The following SMIM35 variants were observed in gnomAD, a reference collection of about 807,000 sequenced individuals.
The protein encoded by SMIM35 is TMPRSS4 antisense RNA 1 (non-protein coding).
chr11:118,023,485 C>T (rs893811980), intron 1 of SMIM35, among the ~76,000 whole-genome samples: 4 of 151,320 alleles, frequency 2.6e-5, no homozygotes, highest in African/African-American at 9.7e-5. Flanking sequence ...GGTATATCTC[C>T]TAATGCTATC....
chr11:118,071,566 G>A (rs1266458723), intron 1 of SMIM35, among the ~76,000 whole-genome samples: 1 of 152,178 alleles, frequency 6.6e-6, no homozygotes, highest in Non-Finnish European at 1.5e-5. Flanking sequence ...GCCAGCTCAT[G>A]CCCACCCACT....
chr11:118,027,341 C>A (rs1018814222), intron 1 of SMIM35, among the ~76,000 whole-genome samples: 1 of 149,582 alleles, frequency 6.7e-6, no homozygotes. Flanking sequence ...TTTTTTTTTG[C>A]GTGGTAGATT....
intron 1 of SMIM35, among the ~76,000 whole-genome samples, chr11:118,032,722 C>T (rs987911866): frequency 6.6e-6 from 1 of 152,122 alleles, no homozygotes; most frequent in African/African-American, 2.4e-5. Flanking sequence ...GCCTGGTCAA[C>T]ATGGTGAAAC....
intron 1 of SMIM35, among the ~76,000 whole-genome samples, chr11:118,054,156 A>ATTTTTTTTTT (rs1345936190): frequency 8.3e-5 from 9 of 108,220 alleles, no homozygotes; most frequent in Non-Finnish European, 1.2e-4. Context: ...GGTTTTTGGG[A>ATTTTTTTTTT]TTTTTTTGTT....
chr11:118,083,604 T>C (rs906262392), intron 1 of SMIM35, among the ~76,000 whole-genome samples: 10 of 152,230 alleles, frequency 6.6e-5, no homozygotes, highest in African/African-American at 2.4e-4. Context: ...AGTTCTATTT[T>C]AATATTGTTA....
chr11:118,050,537 C>A (rs184836030), intron 1 of SMIM35, among the ~76,000 whole-genome samples: 49 of 152,316 alleles, frequency 3.2e-4, no homozygotes, highest in African/African-American at 1.2e-3. Flanking sequence ...AGACCTTGGG[C>A]AAGAAGGTGG....
intron 1 of SMIM35, among the ~76,000 whole-genome samples, chr11:118,081,321 T>G (rs1198671585): frequency 6.6e-6 from 1 of 152,000 alleles, no homozygotes; most frequent in Admixed American, 6.6e-5. Flanking sequence ...GAAACCCTGG[T>G]GATAGGGAAG....
intron 1 of SMIM35, among the ~76,000 whole-genome samples, chr11:118,037,589 G>C (rs1203129776): frequency 6.6e-6 from 1 of 152,190 alleles, no homozygotes; most frequent in Non-Finnish European, 1.5e-5. Context: ...AGATAAACAA[G>C]TTCCCCCTCT....
chr11:118,058,720 G>A (rs561110419), intron 1 of SMIM35, among the ~76,000 whole-genome samples: 2 of 152,304 alleles, frequency 1.3e-5, no homozygotes, highest in Non-Finnish European at 2.9e-5. Context: ...CGCAGAGCAC[G>A]TCCTGCCTCC....
At chr11:118,080,466 C>T (rs1214898138) in intron 1 of SMIM35, among the ~76,000 whole-genome samples, 1 of 152,180 alleles carries the variant, frequency 6.6e-6, no homozygotes, top group African/African-American at 2.4e-5. Context: ...TCCCAGGGCG[C>T]TTCCAGCCTG....
chr11:118,061,081 G>A (rs944268234), intron 1 of SMIM35, among the ~76,000 whole-genome samples: 9 of 152,186 alleles, frequency 5.9e-5, no homozygotes, highest in Admixed American at 5.9e-4. Context: ...GCATATGGTC[G>A]TGGCCCTGCT....
intron 1 of SMIM35, among the ~76,000 whole-genome samples, chr11:118,054,518 C>T (rs562029193): frequency 1.4e-4 from 21 of 152,250 alleles, no homozygotes; most frequent in African/African-American, 5.1e-4. Flanking sequence ...TGGGTGCACA[C>T]AAGTAACAAC....
intron 4 of SMIM35, among the ~76,000 whole-genome samples, chr11:118,011,313 T>A (rs2058149409): frequency 6.6e-6 from 1 of 152,146 alleles, no homozygotes; most frequent in African/African-American, 2.4e-5. Flanking sequence ...GGCTACTGAG[T>A]TCTGAGCACT....
chr11:118,028,933 G>A (rs888103679), intron 1 of SMIM35: 2 of 418,928 alleles, frequency 4.8e-6, no homozygotes, highest in Admixed American at 2.9e-5. Flanking sequence ...AAAAATAAGA[G>A]GAAGAGGAGG....
At chr11:118,047,851 A>G (rs1278145621) in intron 1 of SMIM35, among the ~76,000 whole-genome samples, 2 of 152,194 alleles carry the variant, frequency 1.3e-5, no homozygotes, top group East Asian at 3.8e-4. Flanking sequence ...GTCCCAGGGT[A>G]CTGGCTTGAG....
At chr11:118,025,282 C>T (rs1438348620) in intron 1 of SMIM35, 1 of 327,432 alleles carries the variant, frequency 3.1e-6, no homozygotes, top group Non-Finnish European at 5.9e-6. Flanking sequence ...TGGGTATATA[C>T]CCAGTAATAA....
At chr11:118,053,307 AACACACAC>A (rs57912361) in intron 1 of SMIM35, among the ~76,000 whole-genome samples, 17,033 of 141,952 alleles carry the variant, frequency 0.12, 1,180 homozygotes, top group African/African-American at 0.19. Flanking sequence ...GACTCTCTAA[AACACACAC>A]ACACACACAC....
intron 1 of SMIM35, among the ~76,000 whole-genome samples, chr11:118,032,581 T>G (rs1308644084): frequency 6.6e-6 from 1 of 152,134 alleles, no homozygotes; most frequent in Non-Finnish European, 1.5e-5. Flanking sequence ...AGTTTATTTT[T>G]TTTTGCCAGG....
At chr11:118,014,861 C>G in intron 2 of SMIM35, 120 bp from the exon 3 acceptor site, 1 of 396,922 alleles carries the variant, frequency 2.5e-6, no homozygotes. Flanking sequence ...CTGGGCTGGA[C>G]CTCAGGATGG....
Sources: gnomAD v4.1 joint callset for allele counts (sites outside exome capture counted in the v4.1 genomes callset) on GRCh38, gnomAD v4.1.1 for gene constraint, MANE v1.5 for transcripts, NCBI Gene and HGNC (gene_info 2026-07-23, HGNC 2026-07-21) for gene names.